The following LAMA3 variants were observed in gnomAD, a reference collection of about 807,000 sequenced individuals.
The protein encoded by LAMA3 is laminin subunit alpha 3.
In LAMA3, 281 loss-of-function variants were observed where a neutral mutation model predicts 402.0. That is an observed-to-expected ratio of 0.70 (90% CI 0.63 to 0.77). The LOEUF is 0.77. Ranked by LOEUF, LAMA3 falls within the 30% of genes least tolerant of loss-of-function variation. The pLI, the probability that LAMA3 is intolerant of heterozygous loss-of-function variation, is 0.00. For synonymous variants in LAMA3, 1,431 were observed against 1,558.4 expected, an observed-to-expected ratio of 0.92 and a Z score of 1.93; for missense variants, 3,840 against 4,215.5, an observed-to-expected ratio of 0.91 and a Z score of 2.47.
At chr18:23,695,470 T>C (rs1196722988) in intron 1 of LAMA3, among the ~76,000 whole-genome samples, 1 of 151,934 alleles carries the variant, frequency 6.6e-6, no homozygotes, top group Non-Finnish European at 1.5e-5. Flanking sequence ...ATGTGGCCCC[T>C]AAAAAGAATG....
chr18:23,805,136 G>A (rs1054429690), intron 12 of LAMA3, among the ~76,000 whole-genome samples: 2 of 152,144 alleles, frequency 1.3e-5, no homozygotes, highest in Admixed American at 6.6e-5. Context: ...AAGGAAAAAA[G>A]CATTTGCCAG....
chr18:23,881,805 G>GT, intron 39 of LAMA3, 131 bp from the exon 40 acceptor site: 1 of 699,384 alleles, frequency 1.4e-6, no homozygotes, highest in Non-Finnish European at 2.6e-6. Context: ...AAAATACATG[G>GT]TTAGAGGAGC....
chr18:23,901,148 G>A lies in LAMA3; in HGVS notation c.6026G>A (p.Trp2009Ter), dbSNP rs1599042990. 1.2e-6 allele frequency: 2 copies of A among 1,614,136 alleles called. No homozygotes were observed. The highest frequency in any genetic ancestry group is 1.6e-4 in the Middle Eastern group (1 of 6,062). Residue 2009 changes from tryptophan to a stop codon, truncating the protein, a stop_gained, in exon 48 of 75, where the codon TGG becomes TAG. Transcript: ENST00000313654. LOFTEE classifies it high-confidence loss of function. ...ACAGTGCTGAACCGGATAAGGACCT[G>A]GCAGAAAACCCACCAGGGGGAGAAC... The part of the protein sequence containing the change: ...SQLLLNRIRT[W>*]QKTHQGENNG...
intron 68 of LAMA3, among the ~76,000 whole-genome samples, chr18:23,941,700 A>G (rs1289533721): frequency 6.6e-6 from 1 of 152,194 alleles, no homozygotes; most frequent in Non-Finnish European, 1.5e-5. Flanking sequence ...CCCATCCTCC[A>G]GCAATGAAGA....
chr18:23,833,345 A>G (rs947322766), intron 23 of LAMA3, among the ~76,000 whole-genome samples: 1 of 152,112 alleles, frequency 6.6e-6, no homozygotes, highest in Non-Finnish European at 1.5e-5. Context: ...CAGGAGCGAG[A>G]TGTGTGTGTG....
chr18:23,900,775 G>C (rs28711880), intron 47 of LAMA3, among the ~76,000 whole-genome samples: 214 of 152,234 alleles, frequency 1.4e-3, no homozygotes, highest in African/African-American at 5.1e-3. Context: ...TAAGTAGGCA[G>C]TATTCACAGT....
At position 23,879,160 on chromosome 18, in the gene LAMA3, A is replaced by T. The variant is rs1024875388; in HGVS notation, c.5112+2753A>T. Reference sequence around the variant, plus strand: ...TGGAATTTCCAAATGATTTATCTGAAATTCACAGCTGACATGGTGCTCCTC... The same window carrying T: ...TGGAATTTCCAAATGATTTATCTGATATTCACAGCTGACATGGTGCTCCTC... On this transcript the variant is annotated intron_variant, in intron 39 of 74. Coordinates refer to ENST00000313654, the MANE Select transcript of LAMA3 (RefSeq NM_198129.4). The surrounding 1 kb of genome is among the most constrained non-coding windows in gnomAD (Gnocchi z 4.2). Among the ~76,000 whole-genome samples the T allele has an allele frequency of 2.6e-5, 4 of 152,108 alleles. No individual in the cohort carries two copies. Among genetic ancestry groups the T allele is most frequent in the African/African-American group, 9.7e-5 (4 of 41,404 alleles).
intron 2 of LAMA3, among the ~76,000 whole-genome samples, chr18:23,741,447 A>G (rs2061562347): frequency 6.6e-6 from 1 of 152,176 alleles, no homozygotes. Flanking sequence ...AAACCAGGTT[A>G]ATAAACTGCA....
intron 2 of LAMA3, among the ~76,000 whole-genome samples, chr18:23,723,383 A>G (rs949691946): frequency 1.3e-5 from 2 of 152,240 alleles, no homozygotes; most frequent in Non-Finnish European, 2.9e-5. Context: ...TAGGCACCAC[A>G]TGATGCCATA....
chr18:23,916,005 C>CAAAAAAAAAAAAAAAAAAAAAAAAAAAA (rs1408575781), intron 59 of LAMA3, among the ~76,000 whole-genome samples: 1 of 41,946 alleles, frequency 2.4e-5, no homozygotes, highest in Non-Finnish European at 3.6e-5. Flanking sequence ...GACTCCATCT[C>CAAAAAAAAAAAAAAAAAAAAAAAAAAAA]CAAAAAAAAA....
intron 12 of LAMA3, among the ~76,000 whole-genome samples, chr18:23,809,468 C>A (rs2063024606): frequency 6.6e-6 from 1 of 152,212 alleles, no homozygotes; most frequent in Non-Finnish European, 1.5e-5. Context: ...ATGTAGAACT[C>A]TTCAGCCGGA....
At chr18:23,696,190 A>G (rs919937478) in intron 1 of LAMA3, among the ~76,000 whole-genome samples, 93 of 152,330 alleles carry the variant, frequency 6.1e-4, no homozygotes, top group African/African-American at 2.2e-3. Flanking sequence ...TGAGAATGCA[A>G]ACATTTCAGA....
At chr18:23,829,027 G>T (rs2063441960) in intron 23 of LAMA3, among the ~76,000 whole-genome samples, 1 of 152,116 alleles carries the variant, frequency 6.6e-6, no homozygotes, top group East Asian at 1.9e-4. Flanking sequence ...AGTGAGGTCT[G>T]GGATAATACC....
intron 70 of LAMA3, among the ~76,000 whole-genome samples, chr18:23,947,595 G>A (rs537527965): frequency 6.6e-6 from 1 of 152,208 alleles, no homozygotes; most frequent in African/African-American, 2.4e-5. Flanking sequence ...CAGAGCTCCA[G>A]TGTTATACAA....
At chr18:23,827,540 A>G in intron 23 of LAMA3, 73 bp downstream of exon 23, 1 of 1,511,590 alleles carries the variant, frequency 6.6e-7, no homozygotes, top group South Asian at 1.2e-5. Flanking sequence ...ATACTTGGCC[A>G]CAGTTGCTTC....
intron 67 of LAMA3, among the ~76,000 whole-genome samples, chr18:23,934,795 C>G (rs1309261834): frequency 2.0e-5 from 3 of 152,166 alleles, no homozygotes; most frequent in African/African-American, 7.2e-5. Context: ...CCTAGGAGCC[C>G]GTGGCCTCTT....
chr18:23,815,672 T>G, intron 17 of LAMA3, 99 bp downstream of exon 17: 1 of 841,318 alleles, frequency 1.2e-6, no homozygotes, highest in Non-Finnish European at 2.0e-6. Flanking sequence ...ACGCAGACTT[T>G]CTGATGGAAT....
intron 6 of LAMA3, 67 bp from the exon 7 acceptor site, chr18:23,758,329 C>A: frequency 1.7e-6 from 2 of 1,163,548 alleles, no homozygotes; most frequent in Non-Finnish European, 2.5e-6. Context: ...CAGGTTCGCA[C>A]TATAGGATCA....
At chr18:23,857,786 C>G in intron 32 of LAMA3, 58 bp from the exon 33 acceptor site, 1 of 1,607,666 alleles carries the variant, frequency 6.2e-7, no homozygotes, top group East Asian at 2.2e-5. Flanking sequence ...TGTAAGTGAG[C>G]ACTTTAAAAT....
Sources: allele counts gnomAD v4.1 joint callset (sites outside exome capture counted in the v4.1 genomes callset), GRCh38; gene constraint gnomAD v4.1.1; non-coding constraint Gnocchi (gnomAD v3.1); transcripts MANE v1.5; gene names NCBI Gene and HGNC (gene_info 2026-07-23, HGNC 2026-07-21).